The following FAM13B variants were observed in gnomAD, a reference collection of about 807,000 sequenced individuals.
The protein encoded by FAM13B is family with sequence similarity 13 member B.
FAM13B carries 60 observed loss-of-function variants against 117.3 expected under a neutral mutation model. That is an observed-to-expected ratio of 0.51 (90% CI 0.42 to 0.63). The LOEUF is 0.63. Ranked by LOEUF, FAM13B falls within the 30% of genes least tolerant of loss-of-function variation. The pLI is 0.00. For synonymous variants in FAM13B, 332 were observed against 356.1 expected, an observed-to-expected ratio of 0.93 and a Z score of 0.76; for missense variants, 972 against 1,091.9, an observed-to-expected ratio of 0.89 and a Z score of 1.55.
intron 10 of FAM13B, among the ~76,000 whole-genome samples, chr5:137,976,086 AGCTGGGACTACAGGC>A (rs1331722424): frequency 6.9e-5 from 10 of 145,756 alleles, no homozygotes; most frequent in Non-Finnish European, 1.3e-4. Flanking sequence ...CCTCCCAAGT[AGCTGGGACTACAGGC>A]GCCTGCCACC....
At chr5:138,028,669 G>C (rs991837269) in intron 1 of FAM13B, among the ~76,000 whole-genome samples, 3 of 152,144 alleles carry the variant, frequency 2.0e-5, no homozygotes, top group Admixed American at 1.3e-4. Context: ...GATCACCAGA[G>C]GTCAGGAATT....
At chr5:137,962,609 T>G in intron 10 of FAM13B, 140 bp from the exon 11 acceptor site, 1 of 642,314 alleles carries the variant, frequency 1.6e-6, no homozygotes, top group Non-Finnish European at 2.6e-6. Context: ...TCTGTAGTAC[T>G]TAGCATCTCT....
intron 1 of FAM13B, among the ~76,000 whole-genome samples, chr5:138,041,856 G>A (rs141830713): frequency 4.6e-5 from 7 of 151,282 alleles, no homozygotes; most frequent in Non-Finnish European, 1.0e-4. Context: ...AAGCACCACC[G>A]CACTCCAGCC....
In FAM13B at chr5:137,941,956, T is replaced by C; in HGVS notation, c.2678A>G (p.Gln893Arg). 1 of 1,613,824 alleles carries C rather than the reference T, an allele frequency of 6.2e-7. No homozygotes were observed. Among genetic ancestry groups the C allele is most frequent in the Non-Finnish European group, 8.5e-7 (1 of 1,179,838 alleles). ...TLREFEEAFY[Q>R]QNGRNAQKED... ...ATGCTCAACAAACCTTCCATTTTGT[T>C]GATAAAATGCTTCTTCAAATTCCCG... Residue 893 changes from glutamine (Q) to arginine (R), a missense_variant, in exon 23 of 24, where the codon CAA (glutamine) becomes CGA (arginine). Gln to Arg is a conservative substitution (Grantham distance 43). Transcript: ENST00000689681.
At chr5:138,038,295 T>C (rs1463177230) in intron 1 of FAM13B, among the ~76,000 whole-genome samples, 2 of 152,188 alleles carry the variant, frequency 1.3e-5, no homozygotes, top group African/African-American at 4.8e-5. Context: ...ATTAGAAGCA[T>C]ATTTACACTG....
intron 13 of FAM13B, among the ~76,000 whole-genome samples, chr5:137,958,874 T>C (rs531284288): frequency 1.3e-5 from 2 of 152,358 alleles, no homozygotes; most frequent in Non-Finnish European, 2.9e-5. Flanking sequence ...CATCTTATTT[T>C]TTTCATGGAT....
At chr5:137,942,298 T>C (rs1321922493) in intron 22 of FAM13B, 3 of 456,218 alleles carry the variant, frequency 6.6e-6, no homozygotes, top group Admixed American at 7.5e-5. Flanking sequence ...GAAGTGGATA[T>C]AGAACAAAAA....
chr5:137,999,344 G>C (rs1005733227), intron 7 of FAM13B, among the ~76,000 whole-genome samples: 1 of 152,140 alleles, frequency 6.6e-6, no homozygotes, highest in African/African-American at 2.4e-5. Context: ...TTGGGAGGCT[G>C]AAGTGGGCAG....
In FAM13B at chr5:137,946,250, T is replaced by C. The variant is rs1763396174; in HGVS notation, c.2222A>G (p.Tyr741Cys). Reference sequence around the variant, plus strand: ...TACCGGCCTTCCATGTTGACTTTCATAGTAAAGAAGACTTTTCTGAAGAGA... The same window carrying C: ...TACCGGCCTTCCATGTTGACTTTCACAGTAAAGAAGACTTTTCTGAAGAGA... ...KASLQKSLLY[Y>C]ESQHGRPVTK... Residue 741 changes from tyrosine (Y) to cysteine (C), a missense_variant, in exon 19 of 24, where the codon TAT becomes TGT. Tyr to Cys is a radical substitution (Grantham distance 194). Transcript: ENST00000689681. The C allele has an allele frequency of 2.5e-6, 4 of 1,592,016 alleles. No homozygotes were observed. In the East Asian group the frequency reaches 6.7e-5, roughly 27 times the overall value.
intron 7 of FAM13B, among the ~76,000 whole-genome samples, chr5:138,006,414 T>C (rs531323317): frequency 2.6e-5 from 4 of 152,204 alleles, no homozygotes; most frequent in African/African-American, 9.6e-5. Flanking sequence ...TGGAAATATT[T>C]ATCAAAAGCC....
At position 138,025,046 on chromosome 5, in the gene FAM13B, T is replaced by C. The variant is rs184328126; in HGVS notation, c.-202-3849A>G. Among the ~76,000 whole-genome samples, 964 of 151,898 alleles carry C rather than the reference T, an allele frequency of 6.3e-3. 11 individuals are homozygous for C. The highest frequency in any genetic ancestry group is 0.017 in the Middle Eastern group (5 of 294). Reference sequence around the variant, plus strand: ...CCACCATGCACGGCTAATTTTTTTGTATTTTTTGGTAGAGATGGAGTTTCA... The same window carrying C: ...CCACCATGCACGGCTAATTTTTTTGCATTTTTTGGTAGAGATGGAGTTTCA... On this transcript the variant is annotated intron_variant, in intron 1 of 23. Coordinates refer to ENST00000689681, the MANE Select transcript of FAM13B (RefSeq NM_001385994.1).
intron 18 of FAM13B, among the ~76,000 whole-genome samples, chr5:137,946,861 A>G (rs1763584577): frequency 6.6e-6 from 1 of 152,248 alleles, no homozygotes; most frequent in Admixed American, 6.5e-5. Context: ...AAAATCTGGA[A>G]GCAGTATAGT....
intron 6 of FAM13B, among the ~76,000 whole-genome samples, chr5:138,008,389 AC>A (rs1783075365): frequency 6.6e-6 from 1 of 152,142 alleles, no homozygotes; most frequent in African/African-American, 2.4e-5. Flanking sequence ...CTGCAGAGAG[AC>A]GCGATTGTGA....
intron 17 of FAM13B, among the ~76,000 whole-genome samples, chr5:137,951,281 C>T (rs1764954912): frequency 6.7e-6 from 1 of 150,182 alleles, no homozygotes; most frequent in Non-Finnish European, 1.5e-5. Context: ...AATATAAACT[C>T]CATGACAGCA....
intron 1 of FAM13B, among the ~76,000 whole-genome samples, chr5:138,043,988 A>G (rs1791573214): frequency 6.6e-6 from 1 of 151,866 alleles, no homozygotes; most frequent in Admixed American, 6.6e-5. Flanking sequence ...GCTCCATTAT[A>G]GCTCATGGTA....
chr5:138,039,861 A>G (rs1791426709), intron 1 of FAM13B: 1 of 152,198 alleles, frequency 6.6e-6, no homozygotes, highest in Non-Finnish European at 1.5e-5. Flanking sequence ...CTTTTCCACT[A>G]GAGTATATAA....
At chr5:138,003,051 T>C (rs775046365) in intron 7 of FAM13B, among the ~76,000 whole-genome samples, 12 of 152,070 alleles carry the variant, frequency 7.9e-5, no homozygotes, top group Non-Finnish European at 1.2e-4. Flanking sequence ...ACTTATGAAA[T>C]GGCATGCATT....
intron 10 of FAM13B, among the ~76,000 whole-genome samples, chr5:137,978,293 AT>A (rs998172298): frequency 2.6e-5 from 4 of 151,910 alleles, no homozygotes; most frequent in African/African-American, 9.7e-5. Context: ...ATTTGTATGT[AT>A]TTCCTTAGGA....
intron 1 of FAM13B, among the ~76,000 whole-genome samples, chr5:138,028,607 G>C (rs2349963): frequency 0.74 from 112,173 of 152,158 alleles, 42,012 homozygotes; most frequent in East Asian, 0.97. Context: ...AAATGGCCAA[G>C]TGCAGTGGCT....
Sources: allele counts gnomAD v4.1 joint callset (sites outside exome capture counted in the v4.1 genomes callset), GRCh38; gene constraint gnomAD v4.1.1; transcripts MANE v1.5; gene names NCBI Gene and HGNC (gene_info 2026-07-23, HGNC 2026-07-21).